CCSER1: variants seen among roughly 807,000 people sequenced by gnomAD.
The protein encoded by CCSER1 is coiled-coil serine rich protein 1, also known as serine-rich coiled-coil domain-containing protein 1.
In CCSER1, 41 loss-of-function variants were observed where a neutral mutation model predicts 82.0. The observed-to-expected ratio is 0.50, with a 90% CI of 0.39 to 0.65. The LOEUF (loss-of-function observed/expected upper bound fraction) is 0.65, where lower values mean the gene tolerates loss of function less well. Ranked by LOEUF, CCSER1 falls within the 30% of genes least tolerant of loss-of-function variation. The probability of loss-of-function intolerance (pLI) is 0.00; values close to 1 mark genes in which losing one functional copy is unlikely to be tolerated. For synonymous variants in CCSER1, 414 were observed against 383.9 expected, an observed-to-expected ratio of 1.08 and a Z score of -0.92; for missense variants, 1,119 against 1,064.2, an observed-to-expected ratio of 1.05 and a Z score of -0.72.
At chr4:90,432,344 T>C (rs1366666571) in intron 4 of CCSER1, among the ~76,000 whole-genome samples, 2 of 152,154 alleles carry the variant, frequency 1.3e-5, no homozygotes, top group South Asian at 2.1e-4. Flanking sequence ...GTTTTCTGTC[T>C]GGGATAAATG....
chr4:91,206,796 G>A (rs1244089339), intron 10 of CCSER1, among the ~76,000 whole-genome samples: 1 of 151,828 alleles, frequency 6.6e-6, no homozygotes, highest in African/African-American at 2.4e-5. Context: ...GATACGAGAA[G>A]TACCTCTACT....
At chr4:90,262,145 T>C (rs1724446076) in intron 1 of CCSER1, among the ~76,000 whole-genome samples, 1 of 139,242 alleles carries the variant, frequency 7.2e-6, no homozygotes, top group Admixed American at 6.8e-5. Context: ...GCTTCTGTGA[T>C]TTTTTGGGGA....
intron 10 of CCSER1, among the ~76,000 whole-genome samples, chr4:91,131,127 T>C (rs6838070): frequency 0.49 from 74,820 of 151,530 alleles, 18,669 homozygotes; most frequent in East Asian, 0.68. Context: ...ATTATTTTTG[T>C]TCTAAAAAAC....
intron 1 of CCSER1, among the ~76,000 whole-genome samples, chr4:90,271,891 A>T (rs1238998914): frequency 5.3e-4 from 23 of 43,170 alleles, no homozygotes; most frequent in South Asian, 1.0e-3. Flanking sequence ...TTTTTTTTTT[A>T]AAAGGAGGTT....
At chr4:90,134,479 C>T (rs1723325536) in intron 1 of CCSER1, among the ~76,000 whole-genome samples, 1 of 152,190 alleles carries the variant, frequency 6.6e-6, no homozygotes, top group Admixed American at 6.5e-5. Context: ...TGCCATTCAA[C>T]CACACTTCTC....
intron 5 of CCSER1, among the ~76,000 whole-genome samples, chr4:90,497,141 A>G (rs1423124613): frequency 6.6e-6 from 1 of 152,136 alleles, no homozygotes; most frequent in Non-Finnish European, 1.5e-5. Context: ...GTTATATTTT[A>G]TTAAACAACA....
intron 4 of CCSER1, among the ~76,000 whole-genome samples, chr4:90,450,501 G>A (rs549875220): frequency 4.5e-4 from 68 of 152,308 alleles, no homozygotes; most frequent in African/African-American, 1.4e-3. Context: ...AACAGTAAGC[G>A]TAGGGTATCC....
chr4:91,365,635 AT>A (rs909484612), intron 10 of CCSER1, among the ~76,000 whole-genome samples: 5 of 152,190 alleles, frequency 3.3e-5, no homozygotes, highest in African/African-American at 9.7e-5. Flanking sequence ...TTGATAAAAT[AT>A]TTTTTAAAAC....
intron 9 of CCSER1, chr4:91,017,097 T>A (rs1581345008): frequency 6.6e-6 from 1 of 152,148 alleles, no homozygotes; most frequent in East Asian, 1.9e-4. Flanking sequence ...AGGGAGAGCA[T>A]AATCAGTATA....
intron 10 of CCSER1, among the ~76,000 whole-genome samples, chr4:91,307,551 T>C (rs925280831): frequency 5.9e-5 from 9 of 152,010 alleles, no homozygotes; most frequent in Non-Finnish European, 1.2e-4. Flanking sequence ...CTGACGTTTT[T>C]TCAGATGAAA....
intron 8 of CCSER1, among the ~76,000 whole-genome samples, chr4:90,833,353 G>A (rs1761377468): frequency 6.6e-6 from 1 of 152,176 alleles, no homozygotes; most frequent in African/African-American, 2.4e-5. Flanking sequence ...TAATAGAGTT[G>A]CATTGAAGAT....
chr4:90,859,016 C>T (rs1457044718), intron 8 of CCSER1, among the ~76,000 whole-genome samples: 1 of 151,906 alleles, frequency 6.6e-6, no homozygotes, highest in Non-Finnish European at 1.5e-5. Context: ...ACCTACTTGA[C>T]ATTTATGTCT....
At chr4:90,417,291 A>T (rs527565358) in intron 4 of CCSER1, among the ~76,000 whole-genome samples, 2 of 152,146 alleles carry the variant, frequency 1.3e-5, no homozygotes, top group Non-Finnish European at 2.9e-5. Context: ...TCAAATGTCC[A>T]AATTGCCATA....
chr4:90,900,094 G>GGTTTTT (rs1724379139), intron 8 of CCSER1, among the ~76,000 whole-genome samples: 1 of 102,156 alleles, frequency 9.8e-6, no homozygotes, highest in Admixed American at 1.0e-4. Flanking sequence ...TGGTCCCAGA[G>GGTTTTT]TTTTTTTTTT....
chr4:90,291,964 C>G (rs1731015414), intron 1 of CCSER1, among the ~76,000 whole-genome samples: 1 of 151,766 alleles, frequency 6.6e-6, no homozygotes. Flanking sequence ...AAACCTATAT[C>G]CCTGTTCTAA....
intron 5 of CCSER1, among the ~76,000 whole-genome samples, chr4:90,469,989 C>G (rs928331233): frequency 6.6e-6 from 1 of 152,146 alleles, no homozygotes; most frequent in Non-Finnish European, 1.5e-5. Context: ...AGTTAACACT[C>G]AAAAAGTTTC....
intron 4 of CCSER1, among the ~76,000 whole-genome samples, chr4:90,464,458 T>A (rs999041366): frequency 7.9e-5 from 12 of 152,228 alleles, no homozygotes; most frequent in Non-Finnish European, 1.6e-4. Flanking sequence ...ACAGTTCCAG[T>A]AGTTGTTTAG....
chr4:91,318,412 C>T (rs1745973476), intron 10 of CCSER1, among the ~76,000 whole-genome samples: 1 of 151,914 alleles, frequency 6.6e-6, no homozygotes, highest in Non-Finnish European at 1.5e-5. Context: ...CCTACTGGGC[C>T]TGAATAAATA....
intron 3 of CCSER1, among the ~76,000 whole-genome samples, chr4:90,329,570 T>G (rs1370782894): frequency 6.6e-6 from 1 of 152,294 alleles, no homozygotes; most frequent in South Asian, 2.1e-4. Flanking sequence ...TTCAAGTTAT[T>G]TATCTATTAG....
Sources: gnomAD v4.1 joint callset for allele counts (sites outside exome capture counted in the v4.1 genomes callset) on GRCh38, gnomAD v4.1.1 for gene constraint, MANE v1.5 for transcripts, NCBI Gene and HGNC (gene_info 2026-07-23, HGNC 2026-07-21) for gene names.